The following ARHGAP11B variants were observed in gnomAD, a reference collection of about 807,000 sequenced individuals.
ARHGAP11B encodes the protein inactive Rho GTPase-activating protein 11B.
A neutral mutation model predicts 27.6 loss-of-function variants in ARHGAP11B; 14 were observed. That is an observed-to-expected ratio of 0.51 (90% CI 0.34 to 0.79). The LOEUF (loss-of-function observed/expected upper bound fraction) is 0.79, where lower values mean the gene tolerates loss of function less well. ARHGAP11B is among the 30% of genes least tolerant of loss of function. The pLI is 0.02. For synonymous variants in ARHGAP11B, 82 were observed against 114.1 expected (o/e 0.72, Z 1.80); for missense variants, 245 against 320.1 (o/e 0.77, Z 1.79).
At position 30,632,452 on chromosome 15, in the gene ARHGAP11B, G is replaced by A. The variant is rs549161112; in HGVS notation, c.201-1038G>A. Among the ~76,000 whole-genome samples the A allele has an allele frequency of 1.4e-4, 21 of 151,702 alleles. No homozygotes were observed. The East Asian group carries it at 2.7e-3, about 20-fold the overall frequency. ...GAAAAAAAAAAAGCAGATTTTCGGC[G>A]TCTGGAATTGCAAAGTCATATTCCC... On this transcript the variant is annotated intron_variant, in intron 2 of 10. Transcript: ENST00000428041.
At chr15:30,639,486 G>A (rs924731982) in intron 7 of ARHGAP11B, among the ~76,000 whole-genome samples, 1 of 151,436 alleles carries the variant, frequency 6.6e-6, no homozygotes, top group Non-Finnish European at 1.5e-5. Flanking sequence ...CTTAACTGAT[G>A]ATGTAAATAT....
intron 7 of ARHGAP11B, among the ~76,000 whole-genome samples, chr15:30,642,002 C>T (rs1220319501): frequency 6.6e-6 from 1 of 152,024 alleles, no homozygotes; most frequent in Admixed American, 6.6e-5. Context: ...AGACGTGAGC[C>T]ACGGTGCCTG....
At chr15:30,638,254 T>C (rs1479946741) in intron 6 of ARHGAP11B, among the ~76,000 whole-genome samples, 1 of 152,076 alleles carries the variant, frequency 6.6e-6, no homozygotes, top group Non-Finnish European at 1.5e-5. Flanking sequence ...GCAATCTGTC[T>C]ACCTGTCTAC....
At chr15:30,643,566 G>A (rs1436757173) in intron 7 of ARHGAP11B, among the ~76,000 whole-genome samples, 2 of 151,968 alleles carry the variant, frequency 1.3e-5, no homozygotes, top group Admixed American at 6.6e-5. Flanking sequence ...CGTGAGCCAC[G>A]GCACCTGGCC....
chr15:30,637,536 C>G (rs1245914698), intron 6 of ARHGAP11B, among the ~76,000 whole-genome samples: 2 of 151,974 alleles, frequency 1.3e-5, no homozygotes, highest in Admixed American at 1.3e-4. Context: ...AGATCGAGAC[C>G]ATCCTGGCTA....
intron 7 of ARHGAP11B, among the ~76,000 whole-genome samples, chr15:30,643,109 A>G (rs2060324858): frequency 6.6e-6 from 1 of 151,914 alleles, no homozygotes; most frequent in Admixed American, 6.6e-5. Flanking sequence ...TAAACTATCA[A>G]ATTTATTTGA....
intron 6 of ARHGAP11B, among the ~76,000 whole-genome samples, chr15:30,638,352 T>C (rs1433844544): frequency 6.6e-6 from 1 of 151,932 alleles, no homozygotes; most frequent in South Asian, 2.1e-4. Context: ...TTTATTGATA[T>C]AATGTTTTTA....
At chr15:30,644,820 A>G (rs2060336943) in intron 8 of ARHGAP11B, 1 of 929,004 alleles carries the variant, frequency 1.1e-6, no homozygotes, top group Non-Finnish European at 1.7e-6. Context: ...TGTCTTGACA[A>G]TTGGTTATAT....
chr15:30,636,061 C>G (rs541614343), intron 6 of ARHGAP11B, among the ~76,000 whole-genome samples: 1 of 150,962 alleles, frequency 6.6e-6, no homozygotes, highest in African/African-American at 2.4e-5. Context: ...GTGAAGTGTT[C>G]AGCATAAGGA....
At chr15:30,649,088 C>T (rs1396532562) in exon 11 of ARHGAP11B, 1 of 152,018 alleles carries the variant, frequency 6.6e-6, no homozygotes, top group African/African-American at 2.4e-5. Context: ...GTACAGTCAT[C>T]CCTCTGTATC....
intron 1 of ARHGAP11B, among the ~76,000 whole-genome samples, chr15:30,630,033 A>G (rs1272102739): frequency 6.6e-6 from 1 of 152,082 alleles, no homozygotes; most frequent in African/African-American, 2.4e-5. Flanking sequence ...TACTCTTGGG[A>G]TCTTCAGTGT....
rs1009115032 is a variant in ARHGAP11B, at chr15:30,634,103, A to T, written c.298-67A>T. On this transcript the variant is annotated intron_variant, in intron 3 of 10. Coordinates refer to ENST00000428041, the Ensembl canonical transcript of ARHGAP11B. ...AGAAAAGTGTAATTAGAGTATAACAAAAGATTCTTTATTTGCAATAAACTC... is the reference window on the plus strand; with the variant it reads ...AGAAAAGTGTAATTAGAGTATAACATAAGATTCTTTATTTGCAATAAACTC... 1.1e-5 allele frequency: 17 copies of T among 1,601,656 alleles called. No homozygotes were observed. In the East Asian group the frequency reaches 3.6e-4, roughly 34 times the overall value.
At chr15:30,627,021 G>T in intron 1 of ARHGAP11B, 72 bp downstream of exon 1, 1 of 1,591,818 alleles carries the variant, frequency 6.3e-7, no homozygotes. Flanking sequence ...TTAGCAGATC[G>T]TGCTAAAATG....
intron 1 of ARHGAP11B, 113 bp downstream of exon 1, chr15:30,627,062 G>A: frequency 6.7e-7 from 1 of 1,494,288 alleles, no homozygotes; most frequent in African/African-American, 1.4e-5. Flanking sequence ...GAATGGTTAG[G>A]TGTGTAATTC....
rs1387553385 is a variant in ARHGAP11B, at chr15:30,638,851, T to C, written c.*78+31T>C. ...TATTTATTATATGCATTTATTTAAA[T>C]TAAAATTTGTATAGTATTCTATAAA... On this transcript the variant is annotated intron_variant, in intron 7 of 10. Coordinates refer to ENST00000428041, the Ensembl canonical transcript of ARHGAP11B. 3.8e-5 allele frequency: 45 copies of C among 1,180,132 alleles called. No homozygotes were observed. The South Asian group carries it at 6.0e-4, about 16-fold the overall frequency. 73.1% of individuals were successfully genotyped at this position (1,180,132 alleles called of 1,614,324 possible).
At chr15:30,626,497 G>A (rs1052034743) in exon 1 of ARHGAP11B, 17 of 359,844 alleles carry the variant, frequency 4.7e-5, no homozygotes, top group Non-Finnish European at 7.6e-5. Flanking sequence ...CTGGCAATAG[G>A]CGAGAAACCG....
At chr15:30,647,219 GT>G (rs1566785494) in intron 9 of ARHGAP11B, among the ~76,000 whole-genome samples, 1 of 151,734 alleles carries the variant, frequency 6.6e-6, no homozygotes. Flanking sequence ...ATTTGTCAGC[GT>G]TTTTTTGTTT....
At chr15:30,633,518 G>C in exon 3 of ARHGAP11B, 3 of 1,613,048 alleles carry the variant, frequency 1.9e-6, no homozygotes, top group South Asian at 2.2e-5. Flanking sequence ...CACATCTTTA[G>C]AAGAACATAT....
At chr15:30,628,370 T>C (rs1219985518) in intron 1 of ARHGAP11B, among the ~76,000 whole-genome samples, 3 of 151,972 alleles carry the variant, frequency 2.0e-5, no homozygotes, top group Non-Finnish European at 2.9e-5. Context: ...CGTGAGCCAC[T>C]GCACCTGTCC....
Sources: allele counts gnomAD v4.1 joint callset (sites outside exome capture counted in the v4.1 genomes callset), GRCh38; gene constraint gnomAD v4.1.1; transcripts MANE v1.5; gene names NCBI Gene and HGNC (gene_info 2026-07-23, HGNC 2026-07-21).